The following CSMD1 variants were observed in gnomAD, a reference collection of about 807,000 sequenced individuals.
The protein encoded by CSMD1 is CUB and Sushi multiple domains 1.
In CSMD1, 213 loss-of-function variants were observed where a neutral mutation model predicts 417.5. That is an observed-to-expected ratio of 0.51 (90% confidence interval 0.46 to 0.57). The LOEUF is 0.57. CSMD1 is among the 20% of genes least tolerant of loss of function. The pLI is 0.00. For synonymous variants in CSMD1, 2,862 were observed against 1,736.8 expected (o/e 1.65, Z -16.11); for missense variants, 6,923 against 4,529.7 (o/e 1.53, Z -15.17).
rs539075099 is a variant in CSMD1 at position 3,784,638 on chromosome 8, T to C, written c.819-30596A>G. Among the ~76,000 whole-genome samples, 115 of 152,256 alleles carry C rather than the reference T, an allele frequency of 7.6e-4. 1 individual carries two copies. The highest frequency in any genetic ancestry group is 2.6e-3 in the African/African-American group (108 of 41,580). On this transcript the variant is annotated intron_variant, in intron 5 of 69. Transcript: ENST00000635120. ...ACAGAAAAATGAATAAATCAATAAA[T>C]AGAAATCTGTTTGGTTTGGAAATAA...
chr8:3,969,577 T>C (rs1020356781), intron 5 of CSMD1, among the ~76,000 whole-genome samples: 1 of 152,210 alleles, frequency 6.6e-6, no homozygotes, highest in African/African-American at 2.4e-5. Context: ...GGTGACGGCA[T>C]AATTGAAATT....
intron 1 of CSMD1, among the ~76,000 whole-genome samples, chr8:4,653,153 G>A (rs1454282166): frequency 6.6e-6 from 1 of 152,030 alleles, no homozygotes; most frequent in Admixed American, 6.5e-5. Flanking sequence ...AATTTCCAAA[G>A]TAGACTCTTA....
At chr8:3,103,218 C>G (rs955052291) in intron 46 of CSMD1, among the ~76,000 whole-genome samples, 1 of 152,156 alleles carries the variant, frequency 6.6e-6, no homozygotes, top group Non-Finnish European at 1.5e-5. Flanking sequence ...TTGAGTTGGT[C>G]TGGCGATAAT....
chr8:4,512,701 A>C (rs943026780), intron 2 of CSMD1, among the ~76,000 whole-genome samples: 1 of 152,148 alleles, frequency 6.6e-6, no homozygotes. Flanking sequence ...GCATACCCCA[A>C]AATGAAATAC....
At chr8:3,987,961 G>T (rs1192331616) in intron 5 of CSMD1, among the ~76,000 whole-genome samples, 1 of 152,054 alleles carries the variant, frequency 6.6e-6, no homozygotes, top group Non-Finnish European at 1.5e-5. Flanking sequence ...CCACAACAAA[G>T]GAAACTGCTC....
intron 1 of CSMD1, among the ~76,000 whole-genome samples, chr8:4,878,438 C>G (rs1803184014): frequency 6.6e-6 from 1 of 151,766 alleles, no homozygotes; most frequent in South Asian, 2.1e-4. Flanking sequence ...TAAAAATGTC[C>G]TTGTGGGTTT....
intron 1 of CSMD1, among the ~76,000 whole-genome samples, chr8:4,820,965 G>A (rs536534665): frequency 6.6e-6 from 1 of 152,186 alleles, no homozygotes; most frequent in South Asian, 2.1e-4. Flanking sequence ...CTTTCGTAGT[G>A]CTCAAAAATG....
At chr8:3,353,665 T>G (rs890167827) in intron 21 of CSMD1, among the ~76,000 whole-genome samples, 1 of 152,214 alleles carries the variant, frequency 6.6e-6, no homozygotes, top group Non-Finnish European at 1.5e-5. Context: ...TTGAGCTTGA[T>G]TTAAAACATT....
chr8:3,564,283 A>G (rs1283785930), intron 10 of CSMD1, among the ~76,000 whole-genome samples: 2 of 152,054 alleles, frequency 1.3e-5, no homozygotes, highest in East Asian at 3.9e-4. Context: ...AAGAAAAAAA[A>G]GAAACGGAGT....
intron 1 of CSMD1, among the ~76,000 whole-genome samples, chr8:4,830,580 G>C (rs888510206): frequency 1.3e-5 from 2 of 152,188 alleles, no homozygotes; most frequent in South Asian, 2.1e-4. Flanking sequence ...TTACAAATTA[G>C]ATAGATGACA....
At chr8:3,550,936 T>C (rs970196670) in intron 10 of CSMD1, among the ~76,000 whole-genome samples, 1 of 152,176 alleles carries the variant, frequency 6.6e-6, no homozygotes, top group African/African-American at 2.4e-5. Flanking sequence ...GTCTCTGCTT[T>C]TCTCTCATCA....
rs150890248 is a variant in CSMD1 at position 3,141,365 on chromosome 8, A to T, written c.6241+1100T>A. Among the ~76,000 whole-genome samples the T allele has an allele frequency of 1.3e-3, 199 of 152,314 alleles. 1 individual carries two copies. The highest frequency in any genetic ancestry group is 4.6e-3 in the African/African-American group (192 of 41,558). ...TGTCCTTGTTCATTCCTGGACATAG[A>T]TTGAATTAATTTGGGAAGGAATTCA... On this transcript the variant is annotated intron_variant, in intron 41 of 69. Transcript: ENST00000635120.
At chr8:4,366,585 C>T (rs1422439209) in intron 3 of CSMD1, among the ~76,000 whole-genome samples, 2 of 152,066 alleles carry the variant, frequency 1.3e-5, no homozygotes, top group African/African-American at 2.4e-5. Flanking sequence ...AATTCACCAG[C>T]ATCTGTTGTT....
chr8:4,058,338 C>G (rs1484124994), intron 3 of CSMD1, among the ~76,000 whole-genome samples: 1 of 152,062 alleles, frequency 6.6e-6, no homozygotes, highest in Non-Finnish European at 1.5e-5. Flanking sequence ...CTCTGTTTGC[C>G]TGTTATTGGT....
At chr8:4,300,554 T>C (rs1797927858) in intron 3 of CSMD1, among the ~76,000 whole-genome samples, 1 of 152,178 alleles carries the variant, frequency 6.6e-6, no homozygotes, top group African/African-American at 2.4e-5. Context: ...ATTATTATGC[T>C]TTAAGTTTTA....
At chr8:3,664,677 A>G (rs1563249057) in intron 7 of CSMD1, among the ~76,000 whole-genome samples, 3 of 152,246 alleles carry the variant, frequency 2.0e-5, no homozygotes, top group Non-Finnish European at 2.9e-5. Context: ...TTTTGCATCA[A>G]GAAGCTGAAA....
intron 5 of CSMD1, among the ~76,000 whole-genome samples, chr8:3,977,913 A>T (rs1371350135): frequency 6.6e-6 from 1 of 152,170 alleles, no homozygotes; most frequent in South Asian, 2.1e-4. Context: ...CTCCAATTTC[A>T]TGTCAGCCAC....
intron 31 of CSMD1, among the ~76,000 whole-genome samples, chr8:3,203,162 C>T (rs1797079592): frequency 1.3e-5 from 2 of 152,176 alleles, no homozygotes; most frequent in Admixed American, 6.5e-5. Flanking sequence ...GGGATAGTAA[C>T]ATGGTCTTAG....
intron 2 of CSMD1, among the ~76,000 whole-genome samples, chr8:4,506,272 C>A (rs532896967): frequency 1.3e-5 from 2 of 152,008 alleles, no homozygotes; most frequent in African/African-American, 4.8e-5. Flanking sequence ...CAGGAACAGA[C>A]GGATTCATGG....
Sources: allele counts gnomAD v4.1 joint callset (sites outside exome capture counted in the v4.1 genomes callset), GRCh38; gene constraint gnomAD v4.1.1; transcripts MANE v1.5; gene names NCBI Gene and HGNC (gene_info 2026-07-23, HGNC 2026-07-21).